NPIPB11: variants seen among roughly 807,000 people sequenced by gnomAD.
The protein encoded by NPIPB11 is nuclear pore complex interacting protein family member B11.
In NPIPB11, 17 loss-of-function variants were observed where a neutral mutation model predicts 32.8. That is an observed-to-expected ratio of 0.52 (90% CI 0.35 to 0.78). NPIPB11 has a LOEUF of 0.78. NPIPB11 is among the 30% of genes least tolerant of loss of function. The pLI, the probability that NPIPB11 is intolerant of heterozygous loss-of-function variation, is 0.01. For missense variants in NPIPB11, 537 were observed against 1,000.4 expected, an observed-to-expected ratio of 0.54 and a Z score of 6.25; for synonymous variants, 209 against 398.4, an observed-to-expected ratio of 0.52 and a Z score of 5.66.
exon 8 of NPIPB11, chr16:29,383,081 C>T (rs1963529152): frequency 6.3e-7 from 1 of 1,597,494 alleles, no homozygotes. Flanking sequence ...TTATCATCTG[C>T]TGAGGGTGGA....
At chr16:29,406,223 AT>A (rs1299269631), upstream of NPIPB11, among the ~76,000 whole-genome samples, 2 of 152,254 alleles carry the variant, frequency 1.3e-5, no homozygotes, top group African/African-American at 4.8e-5. Context: ...GGTAGATTAA[AT>A]GGGCAGGCAT....
At chr16:29,383,137 A>G (rs780011812) in exon 8 of NPIPB11, 7 of 1,590,832 alleles carry the variant, frequency 4.4e-6, no homozygotes, top group Non-Finnish European at 5.1e-6. Context: ...AGGTCTCTTG[A>G]GATTATCATC....
downstream of NPIPB11, chr16:29,381,220 T>TA (rs1177180614): frequency 1.5e-3 from 128 of 84,038 alleles, no homozygotes; most frequent in African/African-American, 3.0e-3. Flanking sequence ...TTCTAAAGAT[T>TA]AAAAAAAAAC....
intron 2 of NPIPB11, among the ~76,000 whole-genome samples, chr16:29,402,127 G>A (rs77439100): frequency 0.47 from 68,410 of 146,742 alleles, 16,572 homozygotes; most frequent in Middle Eastern, 0.63. Flanking sequence ...TGTAAAATGA[G>A]GTGGCTATAC....
chr16:29,397,609 A>T (rs1207208077), intron 2 of NPIPB11: 5 of 1,491,176 alleles, frequency 3.4e-6, no homozygotes, highest in Non-Finnish European at 2.7e-6. Context: ...AGGAGCCCAA[A>T]GAGGAGCCAA....
intron 2 of NPIPB11, among the ~76,000 whole-genome samples, chr16:29,395,319 A>G (rs1963826803): frequency 2.1e-5 from 1 of 46,766 alleles, no homozygotes; most frequent in Non-Finnish European, 3.9e-5. Flanking sequence ...CTGCCACCGC[A>G]CTCGGCTAAT....
At chr16:29,394,033 A>C in exon 3 of NPIPB11, 1 of 1,599,494 alleles carries the variant, frequency 6.3e-7, no homozygotes, top group South Asian at 1.1e-5. Context: ...ACTTCCACCA[A>C]AGTCAGTCCC....
chr16:29,391,278 AAAAATGACATG>A (rs1284401476), intron 3 of NPIPB11, among the ~76,000 whole-genome samples: 25 of 148,590 alleles, frequency 1.7e-4, no homozygotes, highest in Middle Eastern at 3.4e-3. Context: ...AAAAAAAAAA[AAAAATGACATG>A]AATATACTTC....
chr16:29,381,561 G>A, exon 8 of NPIPB11: 1 of 1,165,566 alleles, frequency 8.6e-7, no homozygotes. Context: ...CTTGGGTTCG[G>A]GTGATGATGG....
At chr16:29,400,867 C>A (rs1963972148) in intron 2 of NPIPB11, among the ~76,000 whole-genome samples, 2 of 152,194 alleles carry the variant, frequency 1.3e-5, no homozygotes, top group Non-Finnish European at 1.5e-5. Flanking sequence ...ATCTGGTGAG[C>A]AAGTAGAGTC....
chr16:29,397,328 T>G (rs2142133965), intron 2 of NPIPB11, among the ~76,000 whole-genome samples: 1 of 151,770 alleles, frequency 6.6e-6, no homozygotes, highest in South Asian at 2.1e-4. Flanking sequence ...CACCTCAGCC[T>G]CTCCAGTAAC....
chr16:29,399,185 C>T (rs549765626), intron 2 of NPIPB11, among the ~76,000 whole-genome samples: 20 of 152,232 alleles, frequency 1.3e-4, no homozygotes, highest in African/African-American at 3.9e-4. Context: ...CTTTCCTGGC[C>T]CTGTCCTCAG....
chr16:29,406,151 C>T (rs2142144190), upstream of NPIPB11, among the ~76,000 whole-genome samples: 1 of 152,358 alleles, frequency 6.6e-6, no homozygotes, highest in Non-Finnish European at 1.5e-5. Context: ...AGCTGCATCC[C>T]TTGGGGAGTC....
chr16:29,389,697 A>AAG (rs1963663993), intron 5 of NPIPB11, among the ~76,000 whole-genome samples: 3 of 136,780 alleles, frequency 2.2e-5, no homozygotes, highest in Non-Finnish European at 4.7e-5. Context: ...AAAAAAAAAA[A>AAG]AGAGAAAGGA....
intron 2 of NPIPB11, among the ~76,000 whole-genome samples, chr16:29,394,799 G>A (rs539238374): frequency 7.8e-4 from 118 of 151,776 alleles, no homozygotes; most frequent in Non-Finnish European, 1.3e-3. Context: ...AGGCTGGAGT[G>A]CAGTGGTGTG....
At position 29,402,734 on chromosome 16, in the gene NPIPB11, G is replaced by C. The variant is rs1456320608; in HGVS notation, c.120+949C>G. Among the ~76,000 whole-genome samples, 344 of 130,196 alleles carry C rather than the reference G, an allele frequency of 2.6e-3. 1 individual carries two copies. The highest frequency in any genetic ancestry group is 7.0e-3 in the African/African-American group (205 of 29,162). The allele number at this position is 130,196 out of a possible 152,430, so 85.4% of individuals were successfully genotyped here. On this transcript the variant is annotated intron_variant, in intron 2 of 7. Coordinates refer to ENST00000524087, the Ensembl canonical transcript of NPIPB11. ...TCTCTCTCTCTCTCTCTGTGTGTGT[G>C]TGTGTGTGTGTGTGTGTGTGTGTGT...
At chr16:29,405,773 A>G (rs572195440), upstream of NPIPB11, among the ~76,000 whole-genome samples, 2 of 152,254 alleles carry the variant, frequency 1.3e-5, no homozygotes, top group South Asian at 2.1e-4. Context: ...TACACCTCCT[A>G]TAATACTGGC....
chr16:29,401,235 G>C (rs1259792674), intron 2 of NPIPB11, among the ~76,000 whole-genome samples: 1 of 152,062 alleles, frequency 6.6e-6, no homozygotes, highest in Non-Finnish European at 1.5e-5. Flanking sequence ...ATAGTGCCTG[G>C]ATTTAACTTA....
At chr16:29,396,660 C>A (rs1213519027) in intron 2 of NPIPB11, among the ~76,000 whole-genome samples, 1 of 151,596 alleles carries the variant, frequency 6.6e-6, no homozygotes, top group East Asian at 1.9e-4. Context: ...ACCCGGGAGG[C>A]TGAGGCAGGA....
Sources: gnomAD v4.1 joint callset for allele counts (sites outside exome capture counted in the v4.1 genomes callset) on GRCh38, gnomAD v4.1.1 for gene constraint, MANE v1.5 for transcripts, NCBI Gene and HGNC (gene_info 2026-07-23, HGNC 2026-07-21) for gene names.